Variants in TENM4 observed in about 807,000 individuals in gnomAD.
TENM4 encodes the protein teneurin-4.
TENM4 carries 82 observed loss-of-function variants against 243.3 expected under a neutral mutation model. That is an observed-to-expected ratio of 0.34 (90% confidence interval 0.28 to 0.40). TENM4 has a LOEUF of 0.40. Ranked by LOEUF, TENM4 falls within the 10% of genes least tolerant of loss-of-function variation. The pLI is 1.00. For synonymous variants in TENM4, 1,412 were observed against 1,456.3 expected (o/e 0.97, Z 0.69); for missense variants, 3,138 against 3,673.3 (o/e 0.85, Z 3.77).
chr11:78,818,303 G>C (rs370780241), intron 12 of TENM4, among the ~76,000 whole-genome samples: 5 of 152,334 alleles, frequency 3.3e-5, no homozygotes, highest in Admixed American at 2.0e-4. Context: ...GATTTCCGGA[G>C]TCTGCAAGAT....
chr11:79,291,188 C>T (rs956222858), intron 2 of TENM4, among the ~76,000 whole-genome samples: 3 of 152,098 alleles, frequency 2.0e-5, no homozygotes, highest in Admixed American at 6.5e-5. Flanking sequence ...GACTCTGTGA[C>T]CCTAGGATGC....
chr11:79,039,773 A>C (rs543631957), intron 6 of TENM4, among the ~76,000 whole-genome samples: 2 of 152,350 alleles, frequency 1.3e-5, no homozygotes, highest in East Asian at 3.9e-4. Flanking sequence ...CACGTTCAGC[A>C]CATGTATCTC....
At chr11:78,885,555 A>G (rs1855531773) in intron 9 of TENM4, among the ~76,000 whole-genome samples, 1 of 152,222 alleles carries the variant, frequency 6.6e-6, no homozygotes, top group Non-Finnish European at 1.5e-5. Flanking sequence ...TCTCATGAAA[A>G]TACCTGTAAA....
chr11:79,349,376 A>G (rs1319237749), intron 1 of TENM4, among the ~76,000 whole-genome samples: 2 of 152,236 alleles, frequency 1.3e-5, no homozygotes, highest in Non-Finnish European at 2.9e-5. Flanking sequence ...AGTTAAAACT[A>G]TGCTAAAGTG....
intron 3 of TENM4, among the ~76,000 whole-genome samples, chr11:79,156,766 A>G (rs1221699437): frequency 6.6e-6 from 1 of 152,222 alleles, no homozygotes; most frequent in Non-Finnish European, 1.5e-5. Flanking sequence ...GGACAAAGAA[A>G]AAATAATCAA....
At chr11:79,376,623 G>GATGA (rs5792850) in intron 1 of TENM4, among the ~76,000 whole-genome samples, 23,477 of 151,940 alleles carry the variant, frequency 0.15, 1,925 homozygotes, top group East Asian at 0.27. Context: ...ATAACTTTTC[G>GATGA]ATGAATGAAT....
intron 1 of TENM4, among the ~76,000 whole-genome samples, chr11:79,364,743 C>T (rs1343020534): frequency 1.3e-5 from 2 of 152,194 alleles, no homozygotes; most frequent in African/African-American, 2.4e-5. Context: ...TCTGTAAATG[C>T]CACAGTGACA....
chr11:79,226,715 T>C (rs1049444308), intron 2 of TENM4, among the ~76,000 whole-genome samples: 8 of 152,240 alleles, frequency 5.3e-5, no homozygotes, highest in African/African-American at 1.9e-4. Flanking sequence ...TACAGTGTTG[T>C]AGACTTTACC....
intron 12 of TENM4, among the ~76,000 whole-genome samples, chr11:78,844,645 A>C (rs1205917121): frequency 6.6e-6 from 1 of 152,060 alleles, no homozygotes; most frequent in Non-Finnish European, 1.5e-5. Context: ...TGTCTAAAAA[A>C]AAAAAAAGGA....
chr11:79,111,584 A>C (rs1408440241), intron 4 of TENM4, among the ~76,000 whole-genome samples: 1 of 152,074 alleles, frequency 6.6e-6, no homozygotes, highest in Non-Finnish European at 1.5e-5. Context: ...AACAAAAACA[A>C]AACCCCTCTT....
Position 78,856,145 on chromosome 11 carries a change from A to T in TENM4, c.1289T>A (p.Phe430Tyr), listed in dbSNP as rs757178432. 130 of 1,551,546 alleles carry T rather than the reference A, an allele frequency of 8.4e-5. No individual in the cohort carries two copies. The highest frequency in any genetic ancestry group is 1.1e-4 in the Non-Finnish European group (122 of 1,146,984). The change falls in exon 11 of 34, where the codon TTC becomes TAC. Residue 430 changes from phenylalanine to tyrosine, a missense_variant. This residue lies in a region of TENM4 where 671 missense variants were observed against 614.1 expected (regional missense o/e 1.09). Coordinates refer to ENST00000278550, the MANE Select transcript of TENM4 (RefSeq NM_001098816.3). ...KPSSFFPEDS[F>Y]IDSGEIDVGR... ...CACATCAATTTCTCCAGAATCTATG[A>T]AACTGTCCTCTGGAAAGAAACTACT...
chr11:78,899,562 G>GGGA (rs1555098921), intron 7 of TENM4, among the ~76,000 whole-genome samples: 1 of 135,250 alleles, frequency 7.4e-6, no homozygotes, highest in Non-Finnish European at 1.6e-5. Flanking sequence ...CAAAAAGCGG[G>GGGA]GGGGGGGGGA....
At chr11:78,863,801 A>C (rs1858887530) in intron 9 of TENM4, among the ~76,000 whole-genome samples, 1 of 152,122 alleles carries the variant, frequency 6.6e-6, no homozygotes, top group Admixed American at 6.5e-5. Context: ...AAATACACAT[A>C]CCCTTTATCC....
intron 8 of TENM4, among the ~76,000 whole-genome samples, chr11:78,890,510 C>G (rs1233935604): frequency 6.6e-6 from 1 of 152,144 alleles, no homozygotes; most frequent in Admixed American, 6.5e-5. Flanking sequence ...ATTGGAATAC[C>G]CTTCTTTTTA....
At position 79,347,891 on chromosome 11, in the gene TENM4, T is replaced by C. The variant is rs570484705; in HGVS notation, c.-320-50348A>G. 9.3e-4 allele frequency among the ~76,000 whole-genome samples: 138 copies of C among 147,878 alleles called. 5 individuals carry two copies. The South Asian group carries it at 0.027, about 29-fold the overall frequency. ...GCTTCCCGGGTTCACGCCATTCTCC[T>C]GCCTCAGCCTCCCCAGTAGCTGGGA... is the stretch of plus-strand genomic sequence containing the variant. On this transcript the variant is annotated intron_variant, in intron 1 of 33. Transcript: ENST00000278550.
At chr11:79,086,835 CAAA>C (rs371315703) in intron 4 of TENM4, among the ~76,000 whole-genome samples, 3 of 89,084 alleles carry the variant, frequency 3.4e-5, no homozygotes, top group Non-Finnish European at 2.1e-5. Context: ...CTCTGTCTCG[CAAA>C]AAAAAAAAAA....
intron 18 of TENM4, among the ~76,000 whole-genome samples, chr11:78,763,299 A>C (rs77222841): frequency 0.022 from 3,308 of 152,344 alleles, 50 homozygotes; most frequent in Middle Eastern, 0.027. Flanking sequence ...AATGTCAAAA[A>C]GGCCAGGCAG....
intron 1 of TENM4, among the ~76,000 whole-genome samples, chr11:79,346,112 C>T (rs1857322124): frequency 6.6e-6 from 1 of 152,184 alleles, no homozygotes; most frequent in South Asian, 2.1e-4. Context: ...CCAAATAAAA[C>T]TCCGAAGTCC....
At chr11:79,086,602 G>C (rs1241643503) in intron 4 of TENM4, among the ~76,000 whole-genome samples, 2 of 152,180 alleles carry the variant, frequency 1.3e-5, no homozygotes, top group Non-Finnish European at 2.9e-5. Flanking sequence ...GGGAGGCTGA[G>C]GCGGGCAGAT....
Sources: gnomAD v4.1 joint callset for allele counts (sites outside exome capture counted in the v4.1 genomes callset) on GRCh38, gnomAD v4.1.1 for gene constraint, gnomAD v4.1.1 regional missense constraint, MANE v1.5 for transcripts, NCBI Gene and HGNC (gene_info 2026-07-23, HGNC 2026-07-21) for gene names.